Variants in FGD2 observed in about 807,000 individuals in gnomAD.
The protein encoded by FGD2 is FYVE, RhoGEF and PH domain-containing protein 2.
In FGD2, 52 loss-of-function variants were observed where a neutral mutation model predicts 75.9. That is an observed-to-expected ratio of 0.69 (90% CI 0.55 to 0.86). The LOEUF (loss-of-function observed/expected upper bound fraction) is 0.86, where lower values mean the gene tolerates loss of function less well. Ranked by LOEUF, FGD2 falls within the 40% of genes least tolerant of loss-of-function variation. FGD2 has a pLI of 0.00. For synonymous variants in FGD2, 347 were observed against 348.6 expected (o/e 1.00, Z 0.05); for missense variants, 790 against 872.0 (o/e 0.91, Z 1.18).
At chr6:37,013,007 T>C (rs1297214154) in intron 4 of FGD2, 1 of 150,728 alleles carries the variant, frequency 6.6e-6, no homozygotes, top group Non-Finnish European at 1.5e-5. Flanking sequence ...TATACGTGTA[T>C]ATATATGTAT....
intron 14 of FGD2, among the ~76,000 whole-genome samples, chr6:37,027,036 C>T (rs995892367): frequency 3.3e-5 from 5 of 151,924 alleles, no homozygotes; most frequent in South Asian, 2.1e-4. Flanking sequence ...CCTTTTTCCA[C>T]GGGCATCCAC....
At position 37,020,757 on chromosome 6, in the gene FGD2, G is replaced by T; in HGVS notation, c.1233+18G>T. 6.4e-7 allele frequency: 1 copy of T among 1,559,628 alleles called. No homozygotes were observed. Among genetic ancestry groups the T allele is most frequent in the Admixed American group, 1.9e-5 (1 of 52,166 alleles). The stretch of plus-strand genomic sequence containing the variant: ...GGATGCAGGTATGGGAACGCTCCGA[G>T]GCTTCTGGGAGTCTTTTTCCTTTCT... On this transcript the variant is annotated intron_variant, in intron 11 of 15. Transcript: ENST00000274963.
At chr6:37,015,181 AC>A in intron 8 of FGD2, 143 bp downstream of exon 8, 1 of 1,192,850 alleles carries the variant, frequency 8.4e-7, no homozygotes, top group East Asian at 2.6e-5. Context: ...CTGCTTTGGC[AC>A]CCAGATGACT....
rs764649862 is a variant in FGD2, at chr6:37,014,098, A to G, written c.821A>G (p.Gln274Arg). The G allele has an allele frequency of 3.7e-5, 59 of 1,613,602 alleles. No homozygotes were observed. Among genetic ancestry groups the G allele is most frequent in the Admixed American group, 1.3e-4 (8 of 59,950 alleles). Residue 274 changes from glutamine (Q) to arginine (R), a missense_variant and splice_region_variant, in exon 6 of 16, where the codon CAG becomes CGG. Transcript: ENST00000274963. ...PAQAPDQADA[Q>R]KALDMIFSAA... ...CAGGCCCCAGACCAGGCCGATGCCC[A>G]GAGTGAGGACACCCCCAGGGGTCCC... is the stretch of plus-strand genomic sequence containing the variant.
At position 37,027,940 on chromosome 6, in the gene FGD2, C is replaced by T. The variant is rs767394174; in HGVS notation, c.1753-8C>T. 1.9e-6 allele frequency: 3 copies of T among 1,612,914 alleles called. No individual in the cohort carries two copies. The highest frequency in any genetic ancestry group is 2.2e-5 in the South Asian group (2 of 91,024). On this transcript the variant is annotated splice_region_variant and splice_polypyrimidine_tract_variant and intron_variant, in intron 15 of 15. Coordinates refer to ENST00000274963, the MANE Select transcript of FGD2 (RefSeq NM_173558.4). ...GGACAGTGGCCCACTGCTCTCTCCT[C>T]CCCCCAGGACATGAGGGCTCACACC...
intron 15 of FGD2, 56 bp from the exon 16 acceptor site, chr6:37,027,892 T>C: frequency 6.3e-7 from 1 of 1,581,898 alleles, no homozygotes; most frequent in Non-Finnish European, 8.7e-7. Flanking sequence ...ACGATGGCTA[T>C]CTGGGGCAGT....
At chr6:37,027,776 C>T in intron 15 of FGD2, 172 bp from the exon 16 acceptor site, 1 of 1,005,498 alleles carries the variant, frequency 9.9e-7, no homozygotes, top group Non-Finnish European at 1.4e-6. Context: ...GCTTTGCCCT[C>T]AGAGGCAGCC....
chr6:37,020,973 T>C (rs986408382), intron 11 of FGD2, among the ~76,000 whole-genome samples: 2 of 151,412 alleles, frequency 1.3e-5, no homozygotes, highest in African/African-American at 4.9e-5. Flanking sequence ...TGTTTGTGTG[T>C]GTGTTTGTGT....
chr6:37,014,055 A>G lies in FGD2; in HGVS notation c.778A>G (p.Ile260Val), dbSNP rs1438503758. The G allele has an allele frequency of 6.2e-7, 1 of 1,614,120 alleles. No individual in the cohort carries two copies. ...TTACGAGCTGCTGCTCAAGGAGTAC[A>G]TCCAGAAGCTGCCAGCCCAGGCCCC... ...PRYELLLKEY[I>V]QKLPAQAPDQ... is the part of the protein sequence containing the mutation. The change falls in exon 6 of 16, where the codon ATC becomes GTC. Residue 260 changes from isoleucine (I) to valine (V), a missense_variant. Physicochemically the swap from Ile to Val is conservative, Grantham distance 29 (BLOSUM62 3). Transcript: ENST00000274963.
chr6:37,025,225 A>C (rs1158385829), intron 13 of FGD2: 2 of 153,774 alleles, frequency 1.3e-5, no homozygotes, highest in African/African-American at 2.4e-5. Context: ...AGGTGAAAAC[A>C]CACTTGACTC....
intron 13 of FGD2, chr6:37,024,114 G>A (rs531728635): frequency 1.3e-5 from 2 of 152,328 alleles, no homozygotes; most frequent in South Asian, 2.1e-4. Context: ...GCCGAGGTGA[G>A]CGGATCACCT....
In FGD2 at chr6:37,028,144, A is replaced by G; in HGVS notation, c.1949A>G (p.Asp650Gly). ...ASGWSPSWPN[D>G]GDLSD ...GGCTGGAGCCCCAGCTGGCCCAACG[A>G]TGGGGACCTGTCCGACTGAGCCACT... Residue 650 changes from aspartate (D) to glycine (G), a missense_variant, in exon 16 of 16, where the codon GAT (aspartate) becomes GGT (glycine). Transcript: ENST00000274963. 6.3e-7 allele frequency: 1 copy of G among 1,599,418 alleles called. No individual in the cohort carries two copies. The highest frequency in any genetic ancestry group is 8.5e-7 in the Non-Finnish European group (1 of 1,173,184).
In FGD2 at chr6:37,014,718, C is replaced by A; in HGVS notation, c.882+14C>A. Reference sequence around the variant, plus strand: ...ATCACTGAGATGGTAAGCAGCCCGCCCTCTCCTGGAGCCCTGTCCCCCTCC... The same window carrying A: ...ATCACTGAGATGGTAAGCAGCCCGCACTCTCCTGGAGCCCTGTCCCCCTCC... On this transcript the variant is annotated intron_variant, in intron 7 of 15. Coordinates refer to ENST00000274963, the MANE Select transcript of FGD2 (RefSeq NM_173558.4). 1 of 1,613,988 alleles carries A rather than the reference C, an allele frequency of 6.2e-7. No individual in the cohort carries two copies.
In FGD2 at chr6:37,027,568, C is replaced by T. The variant is rs778873675; in HGVS notation, c.1745C>T (p.Ala582Val). Residue 582 changes from alanine to valine, a missense_variant, in exon 15 of 16, where the codon GCC becomes GTC. By Grantham distance (64) the Ala-to-Val change is moderately conservative. Coordinates refer to ENST00000274963, the MANE Select transcript of FGD2 (RefSeq NM_173558.4). ...CCCCTCGTGCTCTATGTCTATGCTG[C>T]CCCTCAGGTAAGGCCACCACCTGCC... The part of the protein sequence containing the change: ...DDPLVLYVYA[A>V]PQDMRAHTSI... 3 of 1,613,916 alleles carry T rather than the reference C, an allele frequency of 1.9e-6. No individual in the cohort carries two copies. The highest frequency in any genetic ancestry group is 2.5e-6 in the Non-Finnish European group (3 of 1,179,994).
intron 3 of FGD2, chr6:37,011,275 T>C (rs1010118427): frequency 1.7e-6 from 1 of 595,848 alleles, no homozygotes; most frequent in African/African-American, 1.9e-5. Flanking sequence ...GGCCCCTGTA[T>C]AGCAGAGAAC....
At chr6:37,017,116 T>A (rs1047065574) in intron 9 of FGD2, among the ~76,000 whole-genome samples, 3 of 152,062 alleles carry the variant, frequency 2.0e-5, no homozygotes, top group Non-Finnish European at 4.4e-5. Flanking sequence ...TTTTTTTTTT[T>A]AACTAACTGC....
chr6:37,024,560 A>T (rs1765729557), intron 13 of FGD2: 2 of 152,218 alleles, frequency 1.3e-5, no homozygotes, highest in African/African-American at 4.8e-5. Context: ...AAATGTTAAT[A>T]ATTAGTGAAT....
At position 37,021,545 on chromosome 6, in the gene FGD2, C is replaced by T. The variant is rs753112675; in HGVS notation, c.1267C>T (p.Arg423Trp). 3.7e-6 allele frequency: 6 copies of T among 1,614,014 alleles called. No individual in the cohort carries two copies. Among genetic ancestry groups the T allele is most frequent in the East Asian group, 4.5e-5 (2 of 44,884 alleles). Residue 423 changes from arginine (R) to tryptophan (W), a missense_variant, in exon 12 of 16, where the codon CGG (arginine) becomes TGG (tryptophan). Transcript: ENST00000274963. ...FQAAIDQIEKRNETFKAAAQG... is the reference protein window; with the variant it reads ...FQAAIDQIEKWNETFKAAAQG... ...AGCAGCCATTGACCAAATCGAGAAG[C>T]GGAATGAAACCTTCAAGGCTGCGGC...
At chr6:37,007,561 A>G (rs1359771094) in intron 1 of FGD2, among the ~76,000 whole-genome samples, 1 of 152,222 alleles carries the variant, frequency 6.6e-6, no homozygotes, top group African/African-American at 2.4e-5. Flanking sequence ...GACGGGAGTT[A>G]GGTCCCAGCA....
Sources: gnomAD v4.1 joint callset for allele counts (sites outside exome capture counted in the v4.1 genomes callset) on GRCh38, gnomAD v4.1.1 for gene constraint, MANE v1.5 for transcripts, NCBI Gene and HGNC (gene_info 2026-07-23, HGNC 2026-07-21) for gene names.